The following CNTNAP4 variants were observed in gnomAD, a reference collection of about 807,000 sequenced individuals.
CNTNAP4 encodes the protein contactin associated protein family member 4.
CNTNAP4 carries 98 observed loss-of-function variants against 148.4 expected under a neutral mutation model. That is an observed-to-expected ratio of 0.66 (90% confidence interval 0.56 to 0.78). The LOEUF (loss-of-function observed/expected upper bound fraction) is 0.78. Ranked by LOEUF, CNTNAP4 falls within the 30% of genes least tolerant of loss-of-function variation. The probability of loss-of-function intolerance (pLI) is 0.00; values close to 1 mark genes in which losing one functional copy is unlikely to be tolerated. For synonymous variants in CNTNAP4, 730 were observed against 565.1 expected (o/e 1.29, Z -4.14); for missense variants, 1,935 against 1,565.6 (o/e 1.24, Z -3.98).
chr16:76,498,566 G>A lies in CNTNAP4; in HGVS notation c.2238-1G>A. On this transcript the variant is annotated splice_acceptor_variant, in intron 14 of 23. Coordinates refer to ENST00000611870, the MANE Select transcript of CNTNAP4 (RefSeq NM_033401.5). LOFTEE classifies it high-confidence loss of function. The stretch of plus-strand genomic sequence containing the variant: ...ATTTTGTTGTTGCTATTGTTTTTTA[G>A]GACCAATGACACTGGATTGCTTGCT... 1.9e-6 allele frequency: 3 copies of A among 1,604,734 alleles called. No individual in the cohort carries two copies. Among genetic ancestry groups the A allele is most frequent in the Non-Finnish European group, 2.5e-6 (3 of 1,176,516 alleles).
At chr16:76,356,552 G>T (rs2012673135) in intron 3 of CNTNAP4, among the ~76,000 whole-genome samples, 1 of 152,166 alleles carries the variant, frequency 6.6e-6, no homozygotes, top group African/African-American at 2.4e-5. Flanking sequence ...ATGTTTGTTT[G>T]ATAACAAAGG....
At chr16:76,557,293 C>T (rs1328368206) in intron 23 of CNTNAP4, 2 of 151,952 alleles carry the variant, frequency 1.3e-5, no homozygotes, top group Non-Finnish European at 2.9e-5. Flanking sequence ...AGAAAATGTC[C>T]ACCAAATACC....
At chr16:76,371,441 C>T (rs947804348) in intron 3 of CNTNAP4, among the ~76,000 whole-genome samples, 6 of 151,948 alleles carry the variant, frequency 3.9e-5, no homozygotes, top group South Asian at 2.1e-4. Flanking sequence ...GCGTGCCTCC[C>T]GCCTGGCTAA....
intron 2 of CNTNAP4, among the ~76,000 whole-genome samples, chr16:76,336,360 T>C (rs540421862): frequency 7.9e-5 from 12 of 152,298 alleles, no homozygotes; most frequent in African/African-American, 2.6e-4. Flanking sequence ...AGCTCAGCAT[T>C]ATCAAGTTGT....
intron 2 of CNTNAP4, among the ~76,000 whole-genome samples, chr16:76,352,639 G>T (rs928210875): frequency 6.6e-6 from 1 of 152,062 alleles, no homozygotes; most frequent in Non-Finnish European, 1.5e-5. Context: ...TCAACAAAGT[G>T]CCTGACACAA....
At chr16:76,503,992 T>G (rs1262769599) in intron 15 of CNTNAP4, among the ~76,000 whole-genome samples, 1 of 152,006 alleles carries the variant, frequency 6.6e-6, no homozygotes, top group Non-Finnish European at 1.5e-5. Flanking sequence ...AATTAAAAGA[T>G]TTGATAAGAT....
intron 3 of CNTNAP4, among the ~76,000 whole-genome samples, chr16:76,415,325 T>C: frequency 6.6e-6 from 1 of 151,378 alleles, no homozygotes; most frequent in South Asian, 2.1e-4. Flanking sequence ...CTACAAAATA[T>C]ATTTATAATC....
intron 4 of CNTNAP4, among the ~76,000 whole-genome samples, chr16:76,438,188 A>C (rs1276311134): frequency 6.6e-6 from 1 of 152,142 alleles, no homozygotes; most frequent in Non-Finnish European, 1.5e-5. Flanking sequence ...ATTTAGAAGA[A>C]GATCAGAGAG....
chr16:76,538,077 T>A (rs1425692991), intron 18 of CNTNAP4, 39 bp from the exon 19 acceptor site: 7 of 956,950 alleles, frequency 7.3e-6, no homozygotes, highest in Non-Finnish European at 9.9e-6. Flanking sequence ...TCCTTGTACT[T>A]AAAATTTTTA....
intron 3 of CNTNAP4, among the ~76,000 whole-genome samples, chr16:76,394,647 A>T (rs1019540450): frequency 6.6e-6 from 1 of 152,214 alleles, no homozygotes; most frequent in Non-Finnish European, 1.5e-5. Context: ...TTAAACATAA[A>T]TTACAATTTG....
At chr16:76,423,967 A>G (rs1007400834) in intron 3 of CNTNAP4, among the ~76,000 whole-genome samples, 15 of 152,138 alleles carry the variant, frequency 9.9e-5, no homozygotes, top group African/African-American at 3.1e-4. Flanking sequence ...TAAAAAATCT[A>G]GATTTGACTG....
At chr16:76,435,975 A>G (rs955588624) in intron 4 of CNTNAP4, among the ~76,000 whole-genome samples, 4 of 152,106 alleles carry the variant, frequency 2.6e-5, no homozygotes, top group African/African-American at 9.7e-5. Flanking sequence ...ATAAATTAGA[A>G]AACTCAAGAA....
At chr16:76,399,855 A>G (rs565156392) in intron 3 of CNTNAP4, among the ~76,000 whole-genome samples, 3 of 152,318 alleles carry the variant, frequency 2.0e-5, no homozygotes, top group African/African-American at 7.2e-5. Context: ...AGAGCATGCT[A>G]ATTTTTCAAT....
intron 1 of CNTNAP4, among the ~76,000 whole-genome samples, chr16:76,296,920 C>T (rs1288253464): frequency 6.6e-6 from 1 of 152,102 alleles, no homozygotes; most frequent in Non-Finnish European, 1.5e-5. Context: ...TGGCAGGAAA[C>T]ATTTGAGGCT....
intron 12 of CNTNAP4, among the ~76,000 whole-genome samples, chr16:76,487,292 A>G (rs554413922): frequency 2.2e-4 from 34 of 152,306 alleles, no homozygotes; most frequent in African/African-American, 7.9e-4. Context: ...TCTTCAACAA[A>G]TGTCTTCTGC....
intron 1 of CNTNAP4, among the ~76,000 whole-genome samples, chr16:76,291,539 C>G (rs1294901874): frequency 6.6e-6 from 1 of 152,076 alleles, no homozygotes; most frequent in Non-Finnish European, 1.5e-5. Context: ...TGTATGTTAC[C>G]CAGCTCCAGT....
chr16:76,320,797 T>A (rs984727896), intron 2 of CNTNAP4, among the ~76,000 whole-genome samples: 1 of 152,194 alleles, frequency 6.6e-6, no homozygotes, highest in Admixed American at 6.5e-5. Context: ...TAAGTCTTTA[T>A]TTTAATGTAC....
chr16:76,504,586 G>T (rs1274308149), intron 15 of CNTNAP4, among the ~76,000 whole-genome samples: 1 of 151,958 alleles, frequency 6.6e-6, no homozygotes, highest in Non-Finnish European at 1.5e-5. Context: ...AACACTAAAA[G>T]TACAATTCAT....
chr16:76,498,510 A>G lies in CNTNAP4; in HGVS notation c.2238-57A>G. 4 of 1,506,740 alleles carry G rather than the reference A, an allele frequency of 2.7e-6. No homozygotes were observed. In the South Asian group the frequency reaches 4.0e-5, roughly 15 times the overall value. The allele number at this position is 1,506,740 out of a possible 1,614,324, so 93.3% of individuals were successfully genotyped here. On this transcript the variant is annotated intron_variant, in intron 14 of 23. Transcript: ENST00000611870. ...TAGTTCAGAACATCTTGGTTTTGCAATGCAATAAGGACTATTAAAAGTTCT... is the reference window on the plus strand; with the variant it reads ...TAGTTCAGAACATCTTGGTTTTGCAGTGCAATAAGGACTATTAAAAGTTCT...
Sources: allele counts gnomAD v4.1 joint callset (sites outside exome capture counted in the v4.1 genomes callset), GRCh38; gene constraint gnomAD v4.1.1; transcripts MANE v1.5; gene names NCBI Gene and HGNC (gene_info 2026-07-23, HGNC 2026-07-21).